FNDC3A: variants seen among roughly 807,000 people sequenced by gnomAD.
FNDC3A encodes the protein fibronectin type III domain containing 3A.
FNDC3A carries 32 observed loss-of-function variants against 148.9 expected under a neutral mutation model. That is an observed-to-expected ratio of 0.21 (90% CI 0.16 to 0.29). The LOEUF (loss-of-function observed/expected upper bound fraction) is 0.29, where lower values mean the gene tolerates loss of function less well. FNDC3A is among the 10% of genes least tolerant of loss of function. The pLI is 1.00. For synonymous variants in FNDC3A, 472 were observed against 473.6 expected (o/e 1.00, Z 0.04); for missense variants, 1,191 against 1,452.8 (o/e 0.82, Z 2.93).
chr13:49,181,172 C>A (rs541501833), intron 14 of FNDC3A, among the ~76,000 whole-genome samples: 6 of 152,222 alleles, frequency 3.9e-5, no homozygotes, highest in Non-Finnish European at 7.4e-5. Flanking sequence ...TCAGAATCTC[C>A]AAGGAGACAG....
intron 1 of FNDC3A, among the ~76,000 whole-genome samples, chr13:48,980,748 C>T (rs956283530): frequency 3.9e-5 from 6 of 152,138 alleles, no homozygotes; most frequent in Non-Finnish European, 8.8e-5. Flanking sequence ...TGATGCCTCA[C>T]GCTGTGGCTG....
chr13:49,132,879 T>A (rs1268178183), intron 5 of FNDC3A, among the ~76,000 whole-genome samples: 1 of 152,244 alleles, frequency 6.6e-6, no homozygotes, highest in African/African-American at 2.4e-5. Context: ...TAACACAATT[T>A]CTTTTTTGTC....
intron 19 of FNDC3A, among the ~76,000 whole-genome samples, chr13:49,194,178 G>A (rs564288910): frequency 2.0e-5 from 3 of 151,840 alleles, no homozygotes; most frequent in South Asian, 4.2e-4. Flanking sequence ...CACAAGAATC[G>A]CTTGAACCCA....
intron 2 of FNDC3A, among the ~76,000 whole-genome samples, chr13:49,009,241 G>T (rs1952286841): frequency 6.6e-6 from 1 of 152,100 alleles, no homozygotes; most frequent in Non-Finnish European, 1.5e-5. Context: ...TTTCAGACTG[G>T]CTTCTCCCAC....
Position 49,209,665 on chromosome 13 carries a change from C to G in FNDC3A, c.*2270C>G, listed in dbSNP as rs529796028. 10 of 152,474 alleles carry G rather than the reference C, an allele frequency of 6.6e-5. No individual in the cohort carries two copies. Among genetic ancestry groups the G allele is most frequent in the African/African-American group, 2.4e-4 (10 of 41,492 alleles). 9.4% of individuals were successfully genotyped at this position (152,474 alleles called of 1,614,324 possible). A position where few individuals can be genotyped will look rare whatever the true frequency, so the allele number is the denominator to read the frequency against. ...AAGAAAGTGAAATGTTATGGTCTCC[C>G]CTCTTCCAATGAGCTTAAAACATTT... is the stretch of plus-strand genomic sequence containing the variant. On this transcript the variant is annotated 3_prime_UTR_variant, in exon 26 of 26. Transcript: ENST00000492622.
chr13:49,059,909 A>G (rs1176091122), intron 2 of FNDC3A, among the ~76,000 whole-genome samples: 3 of 152,252 alleles, frequency 2.0e-5, no homozygotes, highest in East Asian at 1.9e-4. Flanking sequence ...AGCAAACACA[A>G]GAAAAGATGC....
intron 5 of FNDC3A, 90 bp from the exon 6 acceptor site, chr13:49,136,242 A>G (rs552002948): frequency 3.2e-5 from 35 of 1,099,144 alleles, no homozygotes; most frequent in Admixed American, 1.9e-4. Context: ...AAAGTTTTAT[A>G]TGATAGATTT....
At chr13:49,203,671 G>A (rs1046424051) in intron 25 of FNDC3A, among the ~76,000 whole-genome samples, 1 of 152,172 alleles carries the variant, frequency 6.6e-6, no homozygotes, top group African/African-American at 2.4e-5. Context: ...AGGGAGTGGA[G>A]GGGGAGGGCA....
At chr13:49,050,069 T>A (rs1018835944) in intron 2 of FNDC3A, among the ~76,000 whole-genome samples, 2 of 152,242 alleles carry the variant, frequency 1.3e-5, no homozygotes, top group Non-Finnish European at 2.9e-5. Context: ...TCAGTTTTAT[T>A]TATCTTTTCA....
At chr13:49,091,273 G>GA (rs200341981) in intron 3 of FNDC3A, among the ~76,000 whole-genome samples, 13 of 138,838 alleles carry the variant, frequency 9.4e-5, no homozygotes, top group East Asian at 2.2e-4. Flanking sequence ...CCATTCAAAG[G>GA]AAAAAAAAAG....
At chr13:49,142,562 G>A (rs1402169065) in intron 7 of FNDC3A, among the ~76,000 whole-genome samples, 1 of 152,106 alleles carries the variant, frequency 6.6e-6, no homozygotes, top group Non-Finnish European at 1.5e-5. Flanking sequence ...GTATCTATGT[G>A]GGAGTCCATC....
chr13:48,987,519 G>A lies in FNDC3A; in HGVS notation c.-40+11342G>A, dbSNP rs909330713. On this transcript the variant is annotated intron_variant, in intron 1 of 25. Coordinates refer to ENST00000492622, the MANE Select transcript of FNDC3A (RefSeq NM_001079673.2). ...AATTAAATTTAAATTTAGTATATCT[G>A]ACTAAGAAGGGTGAGGATGGTGGCT... 2.2e-4 allele frequency among the ~76,000 whole-genome samples: 34 copies of A among 152,142 alleles called. 1 individual carries two copies. Among genetic ancestry groups the A allele is most frequent in the Non-Finnish European group, 4.4e-5 (3 of 68,024 alleles).
intron 1 of FNDC3A, among the ~76,000 whole-genome samples, chr13:48,981,802 G>A (rs571588171): frequency 1.1e-4 from 16 of 146,900 alleles, no homozygotes; most frequent in African/African-American, 4.0e-4. Flanking sequence ...ATTAGATTGT[G>A]TATGTTAATC....
intron 4 of FNDC3A, 86 bp downstream of exon 4, chr13:49,114,817 C>A (rs759611998): frequency 4.9e-5 from 46 of 938,778 alleles, no homozygotes; most frequent in Admixed American, 1.9e-4. Context: ...TTTAAAAAAA[C>A]CATTTAATTA....
At chr13:49,130,599 T>C (rs1225588980) in intron 4 of FNDC3A, among the ~76,000 whole-genome samples, 1 of 152,190 alleles carries the variant, frequency 6.6e-6, no homozygotes, top group Non-Finnish European at 1.5e-5. Context: ...GGTTACTCTT[T>C]AGCTTGTCTA....
chr13:48,980,333 G>C (rs1188788531), intron 1 of FNDC3A, among the ~76,000 whole-genome samples: 1 of 152,276 alleles, frequency 6.6e-6, no homozygotes, highest in East Asian at 1.9e-4. Flanking sequence ...TGGTCTGTAA[G>C]TGACAACAGA....
intron 14 of FNDC3A, among the ~76,000 whole-genome samples, chr13:49,182,213 TC>T (rs1033289243): frequency 3.4e-4 from 51 of 152,120 alleles, no homozygotes; most frequent in African/African-American, 1.2e-3. Context: ...GGTCTTGAAT[TC>T]CTGTACTCAA....
intron 2 of FNDC3A, among the ~76,000 whole-genome samples, chr13:49,013,275 A>G (rs1042541272): frequency 6.6e-5 from 10 of 152,138 alleles, no homozygotes; most frequent in Admixed American, 2.6e-4. Flanking sequence ...TGATTATGCA[A>G]CTGTGTTCCA....
intron 2 of FNDC3A, among the ~76,000 whole-genome samples, chr13:49,063,261 A>G (rs530743297): frequency 9.8e-5 from 15 of 152,366 alleles, no homozygotes; most frequent in African/African-American, 3.4e-4. Flanking sequence ...CTCATTTTCT[A>G]TACAAATAAA....
Sources: gnomAD v4.1 joint callset for allele counts (sites outside exome capture counted in the v4.1 genomes callset) on GRCh38, gnomAD v4.1.1 for gene constraint, MANE v1.5 for transcripts, NCBI Gene and HGNC (gene_info 2026-07-23, HGNC 2026-07-21) for gene names.